SLC6A7: variants seen among roughly 807,000 people sequenced by gnomAD.
SLC6A7 encodes sodium-dependent proline transporter.
In SLC6A7, 58 loss-of-function variants were observed where a neutral mutation model predicts 73.1. That is an observed-to-expected ratio of 0.79 (90% CI 0.64 to 0.99). The LOEUF (loss-of-function observed/expected upper bound fraction) is 0.99. SLC6A7 is among the 50% of genes least tolerant of loss of function. SLC6A7 has a pLI of 0.00. For missense variants in SLC6A7, 783 were observed against 831.4 expected, an observed-to-expected ratio of 0.94 and a Z score of 0.72; for synonymous variants, 338 against 338.7, an observed-to-expected ratio of 1.00 and a Z score of 0.02.
At chr5:150,199,465 T>G in intron 5 of SLC6A7, 99 bp downstream of exon 5, 1 of 812,582 alleles carries the variant, frequency 1.2e-6, no homozygotes, top group East Asian at 2.6e-5. Context: ...ATGAAGAGAC[T>G]TCAGCTGGGC....
At chr5:150,196,616 T>A (rs1314169220) in intron 2 of SLC6A7, 100 bp from the exon 3 acceptor site, 8 of 1,164,782 alleles carry the variant, frequency 6.9e-6, no homozygotes, top group Non-Finnish European at 8.6e-6. Context: ...TTCCATCAGG[T>A]CTGAGGGGGC....
intron 13 of SLC6A7, among the ~76,000 whole-genome samples, chr5:150,209,095 T>C (rs1160723126): frequency 1.3e-5 from 2 of 152,224 alleles, no homozygotes; most frequent in Non-Finnish European, 2.9e-5. Context: ...AAGTGCGTCA[T>C]CTCAGTGCCT....
At chr5:150,195,696 T>C (rs929282355) in intron 2 of SLC6A7, among the ~76,000 whole-genome samples, 1 of 152,222 alleles carries the variant, frequency 6.6e-6, no homozygotes, top group Non-Finnish European at 1.5e-5. Context: ...CTTCTGTCTC[T>C]AGCAAACTCT....
chr5:150,197,336 GA>G lies in SLC6A7; in HGVS notation c.584+61del, dbSNP rs1753087242. On this transcript the variant is annotated intron_variant, in intron 4 of 13. Transcript: ENST00000230671. Reference sequence around the variant, plus strand: ...GACCCTGCACTGCTGAGGGTGGCCAGAGGGCATCCCCCACAGTCTCAGCATG... The same window carrying G: ...GACCCTGCACTGCTGAGGGTGGCCAGGGGCATCCCCCACAGTCTCAGCATG... The G allele has an allele frequency of 2.6e-6, 3 of 1,143,448 alleles. No individual in the cohort carries two copies. The African/African-American group carries it at 4.6e-5, about 18-fold the overall frequency. 70.8% of individuals were successfully genotyped at this position (1,143,448 alleles called of 1,614,324 possible). A position where few individuals can be genotyped will look rare whatever the true frequency, so the allele number is the denominator to read the frequency against.
chr5:150,198,624 G>A (rs1331675697), intron 4 of SLC6A7, among the ~76,000 whole-genome samples: 3 of 152,194 alleles, frequency 2.0e-5, no homozygotes, highest in East Asian at 3.8e-4. Context: ...TTCACTGAAG[G>A]GAGTTTAGTG....
At position 150,204,622 on chromosome 5, in the gene SLC6A7, C is replaced by G. The variant is rs139797858; in HGVS notation, c.1423C>G (p.Arg475Gly). Residue 475 changes from arginine to glycine, a missense_variant, in exon 11 of 14, where the codon CGG (arginine) becomes GGG (glycine). Coordinates refer to ENST00000230671, the MANE Select transcript of SLC6A7 (RefSeq NM_014228.5). ...VVITTCLAVT[R>G]VYGIQRFCRD... The stretch of plus-strand genomic sequence containing the variant: ...TATCACCACGTGCCTTGCCGTGACA[C>G]GGGTGTATGGTGAGAAGAGCCGTGG... 39 of 1,610,172 alleles carry G rather than the reference C, an allele frequency of 2.4e-5. No homozygotes were observed. The highest frequency in any genetic ancestry group is 3.0e-5 in the Non-Finnish European group (35 of 1,176,500).
chr5:150,190,730 G>A (rs975409189), intron 1 of SLC6A7, among the ~76,000 whole-genome samples: 4 of 152,180 alleles, frequency 2.6e-5, no homozygotes, highest in African/African-American at 9.6e-5. Flanking sequence ...GGGGGTATTG[G>A]AATACCTGAG....
chr5:150,200,157 CT>C (rs1562089608), intron 5 of SLC6A7, among the ~76,000 whole-genome samples: 1 of 152,116 alleles, frequency 6.6e-6, no homozygotes, highest in Non-Finnish European at 1.5e-5. Flanking sequence ...CGGATGTCTA[CT>C]TTAGGTGATG....
At chr5:150,200,259 G>T (rs541492036) in intron 5 of SLC6A7, among the ~76,000 whole-genome samples, 1 of 152,220 alleles carries the variant, frequency 6.6e-6, no homozygotes, top group African/African-American at 2.4e-5. Flanking sequence ...TTGGGAAGCC[G>T]AGGTGGGTGG....
In SLC6A7 at chr5:150,197,140, A is replaced by C; in HGVS notation, c.448A>C (p.Ser150Arg). The C allele has an allele frequency of 6.2e-7, 1 of 1,614,094 alleles. No homozygotes were observed. The highest frequency in any genetic ancestry group is 1.6e-4 in the Middle Eastern group (1 of 6,062). ...CTTCTACCTCTTCGCCTCCCTCACC[A>C]GCGACCTACCCTGGGAGCACTGTGG... is the stretch of plus-strand genomic sequence containing the variant. ...VLFYLFASLT[S>R]DLPWEHCGNW... The change falls in exon 4 of 14, where the codon AGC becomes CGC. Residue 150 changes from serine (S) to arginine (R), a missense_variant. Physicochemically the swap from Ser to Arg is moderately radical, Grantham distance 110 (BLOSUM62 -1). Transcript: ENST00000230671.
chr5:150,198,909 C>T (rs542073826), intron 4 of SLC6A7, among the ~76,000 whole-genome samples: 2 of 151,808 alleles, frequency 1.3e-5, no homozygotes, highest in East Asian at 3.9e-4. Context: ...CATTCCTCCC[C>T]TCACTACAGT....
In SLC6A7 at chr5:150,204,818, C is replaced by A; in HGVS notation, c.1433-9C>A. ...GGTGGGGCCATTCCTCCTCCCCTCC[C>A]CTGTGCAGGCATTCAGAGGTTCTGC... On this transcript the variant is annotated splice_polypyrimidine_tract_variant and intron_variant, in intron 11 of 13. Coordinates refer to ENST00000230671, the MANE Select transcript of SLC6A7 (RefSeq NM_014228.5). The A allele has an allele frequency of 1.3e-6, 2 of 1,599,420 alleles. No individual in the cohort carries two copies. Among genetic ancestry groups the A allele is most frequent in the Non-Finnish European group, 1.7e-6 (2 of 1,166,836 alleles).
chr5:150,207,855 G>T (rs546078639), intron 13 of SLC6A7, among the ~76,000 whole-genome samples: 1 of 152,042 alleles, frequency 6.6e-6, no homozygotes, highest in Non-Finnish European at 1.5e-5. Flanking sequence ...TCAATTTTAG[G>T]CCAGGGGTTC....
intron 4 of SLC6A7, among the ~76,000 whole-genome samples, chr5:150,198,700 G>C (rs4516843): frequency 0.031 from 4,707 of 152,204 alleles, 250 homozygotes; most frequent in African/African-American, 0.11. Context: ...TAGCAACAGG[G>C]ACAGCTATCA....
At chr5:150,200,293 GGC>G (rs921810844) in intron 5 of SLC6A7, among the ~76,000 whole-genome samples, 3 of 152,138 alleles carry the variant, frequency 2.0e-5, no homozygotes, top group African/African-American at 7.2e-5. Flanking sequence ...AGGAATTCAA[GGC>G]CAGCCTGGCC....
rs201659830 is a variant in SLC6A7, at chr5:150,205,518, G to A, written c.1596G>A (p.Pro532=). Residue 532 remains proline (P), a synonymous_variant, in exon 13 of 14, where the codon CCG becomes CCA. Transcript: ENST00000230671. ...CGGAGTATGGCAGTTACCGCTTCCC[G>A]CCCTGGGCTGAGCTGCTGGGCATCC... ...QPSEYGSYRF[P]PWAELLGILM... is the part of the protein sequence containing the mutation. 9.6e-5 allele frequency: 155 copies of A among 1,613,488 alleles called. No homozygotes were observed. The highest frequency in any genetic ancestry group is 3.3e-4 in the Middle Eastern group (2 of 6,056).
In SLC6A7 at chr5:150,204,979, G is replaced by A. The variant is rs574219626; in HGVS notation, c.1533+52G>A. 5.8e-5 allele frequency: 68 copies of A among 1,181,132 alleles called. No individual in the cohort carries two copies. In the East Asian group the frequency reaches 8.0e-4, roughly 14 times the overall value. 73.2% of individuals were successfully genotyped at this position (1,181,132 alleles called of 1,614,324 possible). Reference sequence around the variant, plus strand: ...TGGCTGGGGCCCCAGAATTGAAAGCGGGAGTCCCCTCTGCACGTTCAGTCT... The same window carrying A: ...TGGCTGGGGCCCCAGAATTGAAAGCAGGAGTCCCCTCTGCACGTTCAGTCT... On this transcript the variant is annotated intron_variant, in intron 12 of 13. Transcript: ENST00000230671.
At chr5:150,193,982 T>G (rs902508820) in intron 1 of SLC6A7, among the ~76,000 whole-genome samples, 5 of 152,178 alleles carry the variant, frequency 3.3e-5, no homozygotes, top group Non-Finnish European at 5.9e-5. Flanking sequence ...GGAGCTTAGA[T>G]GAATACTGAG....
In SLC6A7 at chr5:150,205,540, A is replaced by G; in HGVS notation, c.1618A>G (p.Ile540Val). The G allele has an allele frequency of 6.2e-7, 1 of 1,613,660 alleles. No homozygotes were observed. Among genetic ancestry groups the G allele is most frequent in the African/African-American group, 1.3e-5 (1 of 75,022 alleles). The stretch of plus-strand genomic sequence containing the variant: ...CCCGCCCTGGGCTGAGCTGCTGGGC[A>G]TCCTGATGGGCCTGCTGTCCTGCCT... ...RFPPWAELLG[I>V]LMGLLSCLMI... The change falls in exon 13 of 14, where the codon ATC becomes GTC. Residue 540 changes from isoleucine (I) to valine (V), a missense_variant. Coordinates refer to ENST00000230671, the MANE Select transcript of SLC6A7 (RefSeq NM_014228.5).
Sources: allele counts gnomAD v4.1 joint callset (sites outside exome capture counted in the v4.1 genomes callset), GRCh38; gene constraint gnomAD v4.1.1; transcripts MANE v1.5; gene names NCBI Gene and HGNC (gene_info 2026-07-23, HGNC 2026-07-21).